Variants in BLTP1 observed in about 807,000 individuals in gnomAD.
BLTP1 encodes fragile site-associated protein.
At chr4:122,258,296 T>C in the BLTP1 span, among the ~76,000 whole-genome samples, 1 of 152,192 alleles carries the variant, frequency 6.6e-6, no homozygotes, top group Non-Finnish European at 1.5e-5. Flanking sequence ...TAAAAATAAC[T>C]TGATATTTAA....
chr4:122,219,357 A>G, the BLTP1 span: 1 of 1,613,420 alleles, frequency 6.2e-7, no homozygotes, highest in South Asian at 1.1e-5. Flanking sequence ...ACTTTGGGGA[A>G]GATGACATGT....
At chr4:122,169,256 A>G in the BLTP1 span, among the ~76,000 whole-genome samples, 1 of 152,132 alleles carries the variant, frequency 6.6e-6, no homozygotes, top group South Asian at 2.1e-4. Flanking sequence ...TCCAATTTTT[A>G]AACTTGTTTT....
the BLTP1 span, chr4:122,152,978 C>T: frequency 3.0e-6 from 3 of 985,272 alleles, no homozygotes; most frequent in Non-Finnish European, 3.6e-6. Flanking sequence ...GGTCGGTTGA[C>T]CGAGGGCGGG....
the BLTP1 span, among the ~76,000 whole-genome samples, chr4:122,277,278 C>A: frequency 6.6e-6 from 1 of 152,096 alleles, no homozygotes; most frequent in Non-Finnish European, 1.5e-5. Flanking sequence ...GAGGTCCAGG[C>A]TATAGTGAGC....
chr4:122,239,478 T>C, the BLTP1 span: 12 of 1,439,224 alleles, frequency 8.3e-6, no homozygotes, highest in East Asian at 1.6e-4. Context: ...AATTTTATGA[T>C]GTATAGAAAA....
At chr4:122,286,728 A>T in the BLTP1 span, 4 of 1,613,956 alleles carry the variant, frequency 2.5e-6, no homozygotes, top group South Asian at 1.1e-5. Flanking sequence ...GTATAGATGA[A>T]CTGCCTTCTA....
At chr4:122,336,035 T>C in the BLTP1 span, 1 of 570,234 alleles carries the variant, frequency 1.8e-6, no homozygotes, top group Non-Finnish European at 3.0e-6. Context: ...TATTCTAACA[T>C]TAACATATCA....
the BLTP1 span, chr4:122,344,306 T>G: frequency 6.8e-7 from 1 of 1,460,592 alleles, no homozygotes. Flanking sequence ...ATTAGATAAT[T>G]TTCACCTAAC....
chr4:122,251,216 A>G, the BLTP1 span: 1 of 849,742 alleles, frequency 1.2e-6, no homozygotes, highest in South Asian at 5.5e-5. Flanking sequence ...AGACTGAAGC[A>G]GGTAATACAT....
the BLTP1 span, chr4:122,186,052 C>T: frequency 6.4e-7 from 1 of 1,574,408 alleles, no homozygotes; most frequent in Non-Finnish European, 8.6e-7. Flanking sequence ...AGGCAGAAAC[C>T]AGGTTATACA....
At chr4:122,356,579 A>G in the BLTP1 span, 1 of 1,597,396 alleles carries the variant, frequency 6.3e-7, no homozygotes, top group South Asian at 1.1e-5. Context: ...TATTAATGGG[A>G]AGATGACTCA....
At chr4:122,179,726 A>G in the BLTP1 span, 6 of 452,784 alleles carry the variant, frequency 1.3e-5, no homozygotes, top group African/African-American at 2.1e-5. Flanking sequence ...ACATATAGGT[A>G]CACTTATGTA....
chr4:122,176,598 T>C, the BLTP1 span, among the ~76,000 whole-genome samples: 1 of 152,214 alleles, frequency 6.6e-6, no homozygotes, highest in African/African-American at 2.4e-5. Context: ...GTATCTTTCA[T>C]ATAGTAATAT....
the BLTP1 span, among the ~76,000 whole-genome samples, chr4:122,334,983 GCA>G: frequency 6.6e-6 from 1 of 151,960 alleles, no homozygotes; most frequent in African/African-American, 2.4e-5. Context: ...AGAAATGTAG[GCA>G]CAGTTTGGCT....
At chr4:122,161,170 A>G in the BLTP1 span, 2 of 972,830 alleles carry the variant, frequency 2.1e-6, no homozygotes, top group Non-Finnish European at 2.4e-6. Flanking sequence ...GAAATCCAGA[A>G]GACTTTAATA....
the BLTP1 span, chr4:122,167,527 G>A: frequency 3.8e-6 from 1 of 262,464 alleles, no homozygotes; most frequent in Non-Finnish European, 5.9e-6. Flanking sequence ...CTCAGTCTCT[G>A]AAACCTTAAT....
the BLTP1 span, chr4:122,301,008 A>C: frequency 1.0e-6 from 1 of 982,596 alleles, no homozygotes; most frequent in Non-Finnish European, 1.2e-6. Context: ...AAATTAGTCC[A>C]GTTTACTTTT....
chr4:122,169,538 A>G, the BLTP1 span: 3 of 703,316 alleles, frequency 4.3e-6, no homozygotes, highest in Non-Finnish European at 3.5e-6. Context: ...AGGTTGGGTT[A>G]GTCATATGTT....
chr4:122,245,125 T>C, the BLTP1 span: 3 of 1,609,366 alleles, frequency 1.9e-6, no homozygotes, highest in Non-Finnish European at 2.5e-6. Context: ...ATAGCAAGAC[T>C]ACCTTTTCAG....
Sources: allele counts gnomAD v4.1 joint callset (sites outside exome capture counted in the v4.1 genomes callset), GRCh38; gene constraint gnomAD v4.1.1; transcripts MANE v1.5; gene names NCBI Gene and HGNC (gene_info 2026-07-23, HGNC 2026-07-21).